DLG2: variants seen among roughly 807,000 people sequenced by gnomAD.
The protein encoded by DLG2 is disks large homolog 2.
Under a neutral mutation model 132.5 loss-of-function variants are expected in DLG2, and 45 were observed. The ratio of observed to expected loss-of-function variants is 0.34; its 90% CI spans 0.27 to 0.44. The LOEUF (loss-of-function observed/expected upper bound fraction) is 0.44, where lower values mean the gene tolerates loss of function less well. DLG2 is among the 20% of genes least tolerant of loss of function. DLG2 has a pLI of 1.00. For missense variants in DLG2, 1,045 were observed against 1,196.9 expected (o/e 0.87, Z 1.87); for synonymous variants, 424 against 419.6 (o/e 1.01, Z -0.13).
chr11:84,747,389 C>G (rs1025606224), intron 6 of DLG2, among the ~76,000 whole-genome samples: 2 of 151,970 alleles, frequency 1.3e-5, no homozygotes, highest in African/African-American at 4.8e-5. Context: ...TAAATTTCAG[C>G]TATTATACCA....
rs181840699 is a variant in DLG2 at position 85,572,968 on chromosome 11, C to T, written c.40+25689G>A. ...TCCCTCATGAATGGCCTGGGCCATTCCCTTGGTGATAAGTGAGTTCTCACT... is the reference window on the plus strand; with the variant it reads ...TCCCTCATGAATGGCCTGGGCCATTTCCTTGGTGATAAGTGAGTTCTCACT... On this transcript the variant is annotated intron_variant, in intron 3 of 27. Transcript: ENST00000376104. Among the ~76,000 whole-genome samples, 168 of 152,312 alleles carry T rather than the reference C, an allele frequency of 1.1e-3. 1 individual carries two copies. The highest frequency in any genetic ancestry group is 3.9e-3 in the African/African-American group (163 of 41,564).
At chr11:83,555,903 A>G (rs1198576452) in intron 19 of DLG2, among the ~76,000 whole-genome samples, 2 of 152,218 alleles carry the variant, frequency 1.3e-5, no homozygotes, top group Non-Finnish European at 2.9e-5. Flanking sequence ...ACAGACATCT[A>G]TTTGTTTCCA....
At chr11:85,533,476 T>TATATATATATATATATAA (rs1233917527) in intron 3 of DLG2, among the ~76,000 whole-genome samples, 13 of 148,560 alleles carry the variant, frequency 8.8e-5, no homozygotes, top group African/African-American at 3.2e-4. Flanking sequence ...TATATATATA[T>TATATATATATATATATAA]AATTCTTTTT....
intron 3 of DLG2, among the ~76,000 whole-genome samples, chr11:85,358,731 T>C (rs975607803): frequency 6.6e-6 from 1 of 152,220 alleles, no homozygotes; most frequent in African/African-American, 2.4e-5. Flanking sequence ...TTCTTTCAAA[T>C]ACTCAGAATA....
chr11:84,401,755 T>C (rs1256000527), intron 7 of DLG2, among the ~76,000 whole-genome samples: 2 of 152,172 alleles, frequency 1.3e-5, no homozygotes, highest in African/African-American at 2.4e-5. Context: ...TCATCTTGGC[T>C]CACCGAAAGC....
At position 83,930,493 on chromosome 11, in the gene DLG2, C is replaced by T. The variant is rs1461683770; in HGVS notation, c.1341-10G>A. On this transcript the variant is annotated splice_polypyrimidine_tract_variant and intron_variant, in intron 14 of 27. Coordinates refer to ENST00000376104, the MANE Select transcript of DLG2 (RefSeq NM_001142699.3). ...AACAGGTTCCGGAGGCCTGGTGATA[C>T]AAGAGGAAGAGAAAGATATGCATGG... 1.2e-6 allele frequency: 2 copies of T among 1,612,880 alleles called. No individual in the cohort carries two copies. The highest frequency in any genetic ancestry group is 1.7e-6 in the Non-Finnish European group (2 of 1,179,228).
At chr11:85,500,622 C>T (rs537694843) in intron 3 of DLG2, among the ~76,000 whole-genome samples, 1 of 150,514 alleles carries the variant, frequency 6.6e-6, no homozygotes, top group East Asian at 1.9e-4. Context: ...TTCCTCTACA[C>T]CAATAACAGA....
At chr11:83,473,837 G>A (rs941455289) in intron 22 of DLG2, among the ~76,000 whole-genome samples, 3 of 152,102 alleles carry the variant, frequency 2.0e-5, no homozygotes, top group Non-Finnish European at 4.4e-5. Flanking sequence ...AGAAAGAGAG[G>A]TAATTTCATA....
intron 3 of DLG2, among the ~76,000 whole-genome samples, chr11:85,580,271 CA>C (rs1157268862): frequency 1.3e-5 from 2 of 152,170 alleles, no homozygotes; most frequent in African/African-American, 4.8e-5. Flanking sequence ...CGGACTAATA[CA>C]GGGCCACATG....
intron 6 of DLG2, among the ~76,000 whole-genome samples, chr11:85,010,780 C>T (rs762922075): frequency 3.9e-5 from 6 of 151,916 alleles, no homozygotes; most frequent in Non-Finnish European, 7.4e-5. Context: ...TTTAAAGTTG[C>T]ATTGAAAGAA....
chr11:85,009,962 C>T (rs576942382), intron 6 of DLG2, among the ~76,000 whole-genome samples: 5 of 152,098 alleles, frequency 3.3e-5, no homozygotes, highest in African/African-American at 1.2e-4. Context: ...TGTAGGTTGC[C>T]CAAGAATCCC....
intron 7 of DLG2, among the ~76,000 whole-genome samples, chr11:84,304,534 C>T (rs376984965): frequency 2.6e-5 from 4 of 152,102 alleles, no homozygotes; most frequent in Non-Finnish European, 4.4e-5. Flanking sequence ...GTTTCTTTAA[C>T]GGGTTGGATA....
At chr11:84,857,818 A>G in intron 6 of DLG2, among the ~76,000 whole-genome samples, 1 of 151,868 alleles carries the variant, frequency 6.6e-6, no homozygotes, top group East Asian at 1.9e-4. Context: ...GTAGCTTGAC[A>G]TCTTGTTATT....
chr11:85,369,839 A>G (rs764853989), intron 3 of DLG2, among the ~76,000 whole-genome samples: 2 of 152,192 alleles, frequency 1.3e-5, no homozygotes, highest in Admixed American at 6.5e-5. Context: ...GCTCTGATTC[A>G]TGTGGCCTAA....
chr11:84,289,270 C>T (rs2097952972), intron 7 of DLG2, among the ~76,000 whole-genome samples: 1 of 152,046 alleles, frequency 6.6e-6, no homozygotes, highest in Admixed American at 6.6e-5. Context: ...ACGAACAATG[C>T]TTCTGTGATA....
At chr11:84,379,524 G>A (rs1172060930) in intron 7 of DLG2, among the ~76,000 whole-genome samples, 1 of 152,050 alleles carries the variant, frequency 6.6e-6, no homozygotes, top group Non-Finnish European at 1.5e-5. Flanking sequence ...ATGAGATGAA[G>A]TTAAGAAAAG....
intron 7 of DLG2, among the ~76,000 whole-genome samples, chr11:84,312,869 G>T (rs2098302687): frequency 6.6e-6 from 1 of 151,988 alleles, no homozygotes; most frequent in Admixed American, 6.6e-5. Flanking sequence ...AAGTGCAATG[G>T]TGCAATCTCG....
Position 85,566,959 on chromosome 11 carries a change from G to C in DLG2, c.40+31698C>G. On this transcript the variant is annotated intron_variant, in intron 3 of 27. Transcript: ENST00000376104. ...TCCCCCTTGAATGGGCCTTGGCATTGTTGTTGAAAATCAGGTGACCACACA... is the reference window on the plus strand; with the variant it reads ...TCCCCCTTGAATGGGCCTTGGCATTCTTGTTGAAAATCAGGTGACCACACA... Among the ~76,000 whole-genome samples, 2 of 152,106 alleles carry C rather than the reference G, an allele frequency of 1.3e-5. 1 individual carries two copies. Among genetic ancestry groups the C allele is most frequent in the Non-Finnish European group, 2.9e-5 (2 of 68,008 alleles).
chr11:85,604,684 TG>T (rs1326480786), intron 2 of DLG2, among the ~76,000 whole-genome samples: 1 of 149,832 alleles, frequency 6.7e-6, no homozygotes, highest in Admixed American at 6.6e-5. Context: ...CAGGAGGAAA[TG>T]GGGGGGAAGG....
Sources: gnomAD v4.1 joint callset for allele counts (sites outside exome capture counted in the v4.1 genomes callset) on GRCh38, gnomAD v4.1.1 for gene constraint, MANE v1.5 for transcripts, NCBI Gene and HGNC (gene_info 2026-07-23, HGNC 2026-07-21) for gene names.